Variants in TRIQK observed in about 807,000 individuals in gnomAD.
TRIQK encodes triple QxxK/R motif containing.
TRIQK carries 10 observed loss-of-function variants against 10.8 expected under a neutral mutation model. That is an observed-to-expected ratio of 0.92 (90% CI 0.57 to 1.57). The LOEUF (loss-of-function observed/expected upper bound fraction) is 1.57. TRIQK is among the 40% of genes most tolerant of loss of function. TRIQK has a pLI of 0.00. For synonymous variants in TRIQK, 33 were observed against 33.7 expected (o/e 0.98, Z 0.07); for missense variants, 107 against 97.7 (o/e 1.09, Z -0.40).
chr8:92,951,394 C>T (rs1295462159), intron 2 of TRIQK, among the ~76,000 whole-genome samples: 2 of 152,056 alleles, frequency 1.3e-5, no homozygotes, highest in East Asian at 3.9e-4. Flanking sequence ...CAGAGCACAA[C>T]TCTGACTCTC....
chr8:92,943,638 TA>T (rs1811379352), intron 2 of TRIQK, among the ~76,000 whole-genome samples: 1 of 152,218 alleles, frequency 6.6e-6, no homozygotes, highest in Admixed American at 6.5e-5. Flanking sequence ...AGAATGAAGC[TA>T]GATTCCTGTC....
chr8:92,900,989 T>A (rs1310402556), intron 3 of TRIQK, among the ~76,000 whole-genome samples: 3 of 152,144 alleles, frequency 2.0e-5, no homozygotes, highest in Non-Finnish European at 4.4e-5. Flanking sequence ...TGTTTTGTTT[T>A]ATTTGCAGCT....
At chr8:92,986,377 A>G (rs908917927) in intron 1 of TRIQK, among the ~76,000 whole-genome samples, 13 of 152,184 alleles carry the variant, frequency 8.5e-5, no homozygotes, top group African/African-American at 3.1e-4. Context: ...TTTTTCTTCT[A>G]CAGACAAAAT....
At chr8:92,938,326 T>G (rs1811098033) in intron 2 of TRIQK, among the ~76,000 whole-genome samples, 1 of 152,130 alleles carries the variant, frequency 6.6e-6, no homozygotes, top group Non-Finnish European at 1.5e-5. Flanking sequence ...ATACAATTTG[T>G]AATGATTATT....
chr8:92,997,541 G>C (rs1447534212), intron 1 of TRIQK, among the ~76,000 whole-genome samples: 1 of 152,012 alleles, frequency 6.6e-6, no homozygotes, highest in Non-Finnish European at 1.5e-5. Context: ...TCCTTACATA[G>C]TCAGCAATAG....
intron 4 of TRIQK, among the ~76,000 whole-genome samples, chr8:92,889,697 C>G (rs1816666481): frequency 6.6e-6 from 1 of 151,588 alleles, no homozygotes; most frequent in African/African-American, 2.4e-5. Context: ...ACATTCAATT[C>G]AATGTTCAAT....
intron 1 of TRIQK, among the ~76,000 whole-genome samples, chr8:92,987,707 A>C (rs989669398): frequency 1.3e-5 from 2 of 152,152 alleles, no homozygotes; most frequent in African/African-American, 4.8e-5. Flanking sequence ...AAAATTATTT[A>C]TACTAATTTT....
At chr8:92,923,768 C>G (rs1317079639) in intron 2 of TRIQK, among the ~76,000 whole-genome samples, 2 of 151,792 alleles carry the variant, frequency 1.3e-5, no homozygotes, top group Admixed American at 6.6e-5. Context: ...CCTGAATTTT[C>G]CAGAGCAATT....
chr8:92,929,628 G>C (rs922408805), intron 2 of TRIQK: 3 of 152,080 alleles, frequency 2.0e-5, no homozygotes, highest in African/African-American at 7.2e-5. Context: ...CTCATCATTG[G>C]GGGAGGGGTG....
chr8:92,894,835 T>C (rs947760591), intron 3 of TRIQK, among the ~76,000 whole-genome samples: 1 of 152,144 alleles, frequency 6.6e-6, no homozygotes, highest in Admixed American at 6.6e-5. Context: ...TTGTTGTTGT[T>C]AGAATCCCTT....
chr8:92,914,759 A>T (rs1809741655), intron 3 of TRIQK, among the ~76,000 whole-genome samples: 1 of 152,188 alleles, frequency 6.6e-6, no homozygotes, highest in Admixed American at 6.5e-5. Context: ...AGGATACAGA[A>T]AAGACAGAAT....
intron 1 of TRIQK, chr8:92,974,520 A>G (rs1189458970): frequency 6.6e-6 from 1 of 152,160 alleles, no homozygotes; most frequent in Non-Finnish European, 1.5e-5. Context: ...TATTCTATAG[A>G]TGGTGTATGG....
At chr8:93,005,631 C>A (rs1485322719) in intron 1 of TRIQK, among the ~76,000 whole-genome samples, 1 of 152,182 alleles carries the variant, frequency 6.6e-6, no homozygotes, top group East Asian at 1.9e-4. Context: ...AATCTCTCAA[C>A]AAATTAGGTA....
At chr8:92,945,415 TGGG>T (rs1344020940) in intron 2 of TRIQK, among the ~76,000 whole-genome samples, 1 of 152,160 alleles carries the variant, frequency 6.6e-6, no homozygotes, top group African/African-American at 2.4e-5. Context: ...AATTGCCTAC[TGGG>T]GTCAGGGGAT....
At chr8:92,918,780 C>T (rs1023477027) in intron 2 of TRIQK, among the ~76,000 whole-genome samples, 1 of 151,016 alleles carries the variant, frequency 6.6e-6, no homozygotes, top group Non-Finnish European at 1.5e-5. Flanking sequence ...ATCTTACCCC[C>T]CCCCACAATT....
intron 3 of TRIQK, among the ~76,000 whole-genome samples, chr8:92,912,914 C>T (rs1403221770): frequency 6.6e-6 from 1 of 151,866 alleles, no homozygotes; most frequent in Non-Finnish European, 1.5e-5. Context: ...CTTAAAGTCT[C>T]CCAAAATATG....
intron 4 of TRIQK, among the ~76,000 whole-genome samples, chr8:92,889,963 T>A (rs1395249198): frequency 1.3e-5 from 2 of 151,774 alleles, no homozygotes; most frequent in Non-Finnish European, 3.0e-5. Flanking sequence ...CAAAAGACTA[T>A]GTAGTAAAGT....
At chr8:92,907,232 T>C (rs1176276616) in intron 3 of TRIQK, among the ~76,000 whole-genome samples, 21 of 152,178 alleles carry the variant, frequency 1.4e-4, no homozygotes. Flanking sequence ...GTGGCTCACA[T>C]CCTATAAAAC....
chr8:92,966,980 C>CGAAAAAAAAA (rs1812774611), upstream of TRIQK, among the ~76,000 whole-genome samples: 1 of 68,844 alleles, frequency 1.5e-5, no homozygotes, highest in African/African-American at 6.1e-5. Context: ...AAGTAGCATA[C>CGAAAAAAAAA]AAAAAAAAAA....
Sources: gnomAD v4.1 joint callset for allele counts (sites outside exome capture counted in the v4.1 genomes callset) on GRCh38, gnomAD v4.1.1 for gene constraint, MANE v1.5 for transcripts, NCBI Gene and HGNC (gene_info 2026-07-23, HGNC 2026-07-21) for gene names.